WLS: variants seen among roughly 807,000 people sequenced by gnomAD.
WLS encodes the protein Wnt ligand secretion mediator.
A neutral mutation model predicts 62.8 loss-of-function variants in WLS; 23 were observed. The ratio of observed to expected loss-of-function variants is 0.37; its 90% CI spans 0.26 to 0.52. WLS has a LOEUF of 0.52. Among genes scored for constraint, WLS ranks in the 20% least tolerant of loss-of-function variants. The pLI is 0.92. For missense variants in WLS, 615 were observed against 697.3 expected, an observed-to-expected ratio of 0.88 and a Z score of 1.33; for synonymous variants, 246 against 244.1, an observed-to-expected ratio of 1.01 and a Z score of -0.07.
chr1:68,144,578 G>C lies in WLS; in HGVS notation c.1353C>G (p.Ile451Met), dbSNP rs201544180. 7 of 1,613,314 alleles carry C rather than the reference G, an allele frequency of 4.3e-6. No homozygotes were observed. The highest frequency in any genetic ancestry group is 5.9e-6 in the Non-Finnish European group (7 of 1,179,548). Residue 451 changes from isoleucine to methionine, a missense_variant, in exon 10 of 12, where the codon ATC becomes ATG. Ile to Met is a conservative substitution (Grantham distance 10, BLOSUM62 1). Coordinates refer to ENST00000262348, the MANE Select transcript of WLS (RefSeq NM_024911.7). ...ACAAMTVIFF[I>M]VSQVTEGHWK... Reference sequence around the variant, plus strand: ...CTCAGGGTCCACTTACCTGACTAACGATGAAGAAGATGACAGTCATGGCAG... The same window carrying C: ...CTCAGGGTCCACTTACCTGACTAACCATGAAGAAGATGACAGTCATGGCAG...
chr1:68,115,166 T>G (rs1646274786), intron 11 of WLS, among the ~76,000 whole-genome samples: 1 of 152,212 alleles, frequency 6.6e-6, no homozygotes, highest in Admixed American at 6.5e-5. Context: ...AGGAGGTCCC[T>G]CTGGGGCTCC....
At chr1:68,129,985 T>G (rs1646494840) in intron 11 of WLS, among the ~76,000 whole-genome samples, 1 of 152,228 alleles carries the variant, frequency 6.6e-6, no homozygotes, top group African/African-American at 2.4e-5. Flanking sequence ...CTTCCTAACC[T>G]TGTGAAATGA....
chr1:68,186,534 C>T (rs1647950442), intron 2 of WLS: 1 of 436,718 alleles, frequency 2.3e-6, no homozygotes, highest in African/African-American at 2.0e-5. Context: ...CTTGACTTTT[C>T]CTTACATATG....
At chr1:68,135,521 G>T (rs1176366885) in intron 11 of WLS, among the ~76,000 whole-genome samples, 3 of 152,042 alleles carry the variant, frequency 2.0e-5, no homozygotes, top group Non-Finnish European at 4.4e-5. Context: ...GGTGCACAGA[G>T]GGTTAAGTGT....
intron 2 of WLS, among the ~76,000 whole-genome samples, chr1:68,190,847 C>T (rs909187057): frequency 1.3e-5 from 2 of 152,234 alleles, no homozygotes; most frequent in East Asian, 1.9e-4. Context: ...CACCTGAGGT[C>T]GGGAGTTCTA....
chr1:68,194,156 T>C lies in WLS; in HGVS notation c.178A>G (p.Thr60Ala), dbSNP rs1648527819. The change falls in exon 2 of 12, where the codon ACA (threonine) becomes GCA (alanine). Residue 60 changes from threonine to alanine, a missense_variant. Thr to Ala is a moderately conservative substitution (Grantham distance 58). Coordinates refer to ENST00000262348, the MANE Select transcript of WLS (RefSeq NM_024911.7). ...GGTCCCCAAGGCACGAACCATTTTG[T>C]CTTGTGATGGTTCTTACGGGCATCC... ...CVDARKNHHK[T>A]KWFVPWGPNH... The C allele has an allele frequency of 2.5e-6, 4 of 1,614,088 alleles. No individual in the cohort carries two copies. The African/African-American group carries it at 5.3e-5, about 22-fold the overall frequency.
downstream of WLS, among the ~76,000 whole-genome samples, chr1:68,120,722 G>GCA (rs1213835550): frequency 7.3e-5 from 5 of 68,258 alleles, no homozygotes; most frequent in Non-Finnish European, 1.6e-4. Flanking sequence ...GTGTGTGCGC[G>GCA]CGCGCACATG....
chr1:68,164,492 A>G (rs1647033243), intron 2 of WLS, among the ~76,000 whole-genome samples: 1 of 152,186 alleles, frequency 6.6e-6, no homozygotes, highest in Non-Finnish European at 1.5e-5. Context: ...TCCTGACCTC[A>G]GGTGATCCGC....
At chr1:68,176,401 G>T (rs971352570) in intron 2 of WLS, 1 of 152,152 alleles carries the variant, frequency 6.6e-6, no homozygotes, top group Non-Finnish European at 1.5e-5. Flanking sequence ...ATGCCCTCCC[G>T]TTGGGAAAAC....
chr1:68,148,001 C>T, intron 8 of WLS, 135 bp downstream of exon 8: 4 of 895,540 alleles, frequency 4.5e-6, no homozygotes, highest in Non-Finnish European at 5.3e-6. Context: ...CTTAATTGTG[C>T]TGTTATGATT....
At chr1:68,137,297 T>C (rs1646624712) in intron 11 of WLS, among the ~76,000 whole-genome samples, 1 of 151,980 alleles carries the variant, frequency 6.6e-6, no homozygotes, top group Admixed American at 6.5e-5. Context: ...GACAGGAGAA[T>C]AGCTATTGGT....
At chr1:68,161,806 G>C in intron 2 of WLS, 2 of 1,603,182 alleles carry the variant, frequency 1.2e-6, no homozygotes, top group Non-Finnish European at 1.7e-6. Flanking sequence ...GGGCTGGTTG[G>C]GAGAGGGCGC....
intron 11 of WLS, among the ~76,000 whole-genome samples, chr1:68,107,567 G>T (rs1646164717): frequency 6.6e-6 from 1 of 152,156 alleles, no homozygotes; most frequent in Non-Finnish European, 1.5e-5. Context: ...GATAGCACAG[G>T]AGATTAACTG....
At chr1:68,107,799 C>CT (rs968308741) in intron 11 of WLS, among the ~76,000 whole-genome samples, 6 of 152,112 alleles carry the variant, frequency 3.9e-5, no homozygotes, top group African/African-American at 1.4e-4. Context: ...TGTGGATAAT[C>CT]TACCCCATCA....
In WLS at chr1:68,137,793, T is replaced by G; in HGVS notation, c.1503A>C (p.Glu501Asp). 2 of 1,613,840 alleles carry G rather than the reference T, an allele frequency of 1.2e-6. No homozygotes were observed. Among genetic ancestry groups the G allele is most frequent in the Non-Finnish European group, 1.7e-6 (2 of 1,179,804 alleles). Residue 501 changes from glutamate to aspartate, a missense_variant, in exon 11 of 12, where the codon GAA (glutamate) becomes GAC (aspartate). Transcript: ENST00000262348. ...ACAGAAACTCACCATTGGACTGGTC[T>G]TCTCCATAGTTTTTATGGGATGGTG... Reference protein sequence around the residue: ...LYAPSHKNYGEDQSNGDLGVH... With the variant: ...LYAPSHKNYGDDQSNGDLGVH...
chr1:68,211,350 C>A (rs1649508217), intron 1 of WLS, among the ~76,000 whole-genome samples: 1 of 106,246 alleles, frequency 9.4e-6, no homozygotes. Flanking sequence ...AAAAAAATGA[C>A]AGGTTTTTCT....
intron 2 of WLS, among the ~76,000 whole-genome samples, chr1:68,193,115 AAAAAG>A (rs373149289): frequency 1.5e-4 from 23 of 151,994 alleles, no homozygotes; most frequent in East Asian, 1.2e-3. Context: ...GTTTCAAAAA[AAAAAG>A]AAAAGAAAAG....
intron 1 of WLS, 120 bp downstream of exon 1, chr1:68,232,074 C>G: frequency 1.5e-6 from 2 of 1,352,766 alleles, no homozygotes; most frequent in East Asian, 2.3e-5. Context: ...AGCACAATAG[C>G]CGGACTAATT....
intron 11 of WLS, among the ~76,000 whole-genome samples, chr1:68,129,196 T>C (rs1646481194): frequency 6.6e-6 from 1 of 152,106 alleles, no homozygotes; most frequent in Admixed American, 6.6e-5. Context: ...TGGTGGCGCA[T>C]GCCTGTAAGT....
Sources: allele counts gnomAD v4.1 joint callset (sites outside exome capture counted in the v4.1 genomes callset), GRCh38; gene constraint gnomAD v4.1.1; transcripts MANE v1.5; gene names NCBI Gene and HGNC (gene_info 2026-07-23, HGNC 2026-07-21).